GRID1: variants seen among roughly 807,000 people sequenced by gnomAD.
GRID1 encodes the protein glutamate ionotropic receptor delta type subunit 1.
A neutral mutation model predicts 98.0 loss-of-function variants in GRID1; 28 were observed. The observed-to-expected ratio is 0.29, with a 90% CI of 0.21 to 0.39. The LOEUF is 0.39. Ranked by LOEUF, GRID1 falls within the 10% of genes least tolerant of loss-of-function variation. The probability of loss-of-function intolerance (pLI) is 1.00; values close to 1 mark genes in which losing one functional copy is unlikely to be tolerated. For synonymous variants in GRID1, 553 were observed against 538.5 expected (o/e 1.03, Z -0.37); for missense variants, 1,111 against 1,340.5 (o/e 0.83, Z 2.67).
chr10:86,096,271 A>G (rs1157131720), intron 4 of GRID1, among the ~76,000 whole-genome samples: 1 of 152,180 alleles, frequency 6.6e-6, no homozygotes, highest in Admixed American at 6.5e-5. Context: ...GGGTGCACCA[A>G]AATCTCACAA....
chr10:86,220,677 AG>A (rs1846239579), intron 2 of GRID1, among the ~76,000 whole-genome samples: 2 of 152,174 alleles, frequency 1.3e-5, no homozygotes, highest in African/African-American at 4.8e-5. Context: ...GTGAGGGGTG[AG>A]GGGTGCCACA....
chr10:86,059,217 T>C (rs1843617096), intron 4 of GRID1, among the ~76,000 whole-genome samples: 1 of 152,136 alleles, frequency 6.6e-6, no homozygotes, highest in South Asian at 2.1e-4. Flanking sequence ...TGAGTCTCGC[T>C]GTGTGAGTGG....
intron 8 of GRID1, among the ~76,000 whole-genome samples, chr10:85,788,633 C>T (rs1189352382): frequency 2.6e-5 from 4 of 152,218 alleles, no homozygotes; most frequent in African/African-American, 7.2e-5. Flanking sequence ...TGGGAAGTCT[C>T]GTCATCTTCT....
At chr10:85,610,662 T>G (rs937359210) in intron 15 of GRID1, among the ~76,000 whole-genome samples, 1 of 152,156 alleles carries the variant, frequency 6.6e-6, no homozygotes, top group Non-Finnish European at 1.5e-5. Context: ...TACAGCCTGC[T>G]CAATGAGTGG....
At chr10:86,166,851 AC>A (rs1380214818) in intron 3 of GRID1, among the ~76,000 whole-genome samples, 2 of 152,090 alleles carry the variant, frequency 1.3e-5, no homozygotes, top group African/African-American at 4.8e-5. Flanking sequence ...TGGCCCAAGT[AC>A]CTCCTTACCT....
intron 8 of GRID1, among the ~76,000 whole-genome samples, chr10:85,791,746 G>A: frequency 6.6e-6 from 1 of 152,270 alleles, no homozygotes; most frequent in Non-Finnish European, 1.5e-5. Flanking sequence ...TCTCAAAAAA[G>A]TTACAGAGAA....
chr10:86,087,492 C>T (rs750954581), intron 4 of GRID1, among the ~76,000 whole-genome samples: 13 of 105,758 alleles, frequency 1.2e-4, no homozygotes, highest in Non-Finnish European at 2.5e-4. Flanking sequence ...ACAAGAAGAT[C>T]CAAGTGTGTG....
chr10:86,324,177 C>CA (rs111601272), intron 2 of GRID1, among the ~76,000 whole-genome samples: 1,932 of 139,462 alleles, frequency 0.014, 42 homozygotes, highest in African/African-American at 0.046. Flanking sequence ...AGACTCATCT[C>CA]AAAAAAAAAA....
At chr10:86,177,746 G>C (rs998170326) in intron 3 of GRID1, among the ~76,000 whole-genome samples, 9 of 151,636 alleles carry the variant, frequency 5.9e-5, no homozygotes, top group Admixed American at 1.3e-4. Flanking sequence ...GAGCGAGACA[G>C]TGTGTGCGTG....
intron 15 of GRID1, chr10:85,605,476 AC>A (rs1301692275): frequency 4.6e-5 from 7 of 152,200 alleles, no homozygotes; most frequent in Admixed American, 3.3e-4. Flanking sequence ...GAAACTGATG[AC>A]CTGGGACCAT....
At chr10:86,298,448 C>T (rs1847626501) in intron 2 of GRID1, among the ~76,000 whole-genome samples, 1 of 152,168 alleles carries the variant, frequency 6.6e-6, no homozygotes, top group South Asian at 2.1e-4. Context: ...GTCTCTTTAG[C>T]TATAAGGTCA....
At chr10:86,144,556 T>C (rs910967076) in intron 3 of GRID1, among the ~76,000 whole-genome samples, 1 of 152,038 alleles carries the variant, frequency 6.6e-6, no homozygotes, top group Non-Finnish European at 1.5e-5. Flanking sequence ...TCCCCCTGCA[T>C]CAGCCTCCAT....
At chr10:86,278,042 G>C (rs545132561) in intron 2 of GRID1, among the ~76,000 whole-genome samples, 1 of 144,594 alleles carries the variant, frequency 6.9e-6, no homozygotes. Flanking sequence ...AAATAGTAAA[G>C]TTGCAAAAGT....
rs922490644 is a variant in GRID1, at chr10:86,365,487, G to C, written c.79+827C>G. Among the ~76,000 whole-genome samples, 3 of 149,342 alleles carry C rather than the reference G, an allele frequency of 2.0e-5. No homozygotes were observed. Among genetic ancestry groups the C allele is most frequent in the Non-Finnish European group, 4.4e-5 (3 of 67,572 alleles). Reference sequence around the variant, plus strand: ...CTCGGCGCGCCCCCTCCTCCTCTGCGCTTTCATCTTCTCTCCCGGTTCTCT... The same window carrying C: ...CTCGGCGCGCCCCCTCCTCCTCTGCCCTTTCATCTTCTCTCCCGGTTCTCT... On this transcript the variant is annotated intron_variant, in intron 1 of 15. Transcript: ENST00000327946. This position sits in a 1 kb window ranked among gnomAD's most constrained non-coding sequence, Gnocchi z 4.8.
At chr10:86,272,332 CA>C (rs1847197632) in intron 2 of GRID1, among the ~76,000 whole-genome samples, 1 of 152,150 alleles carries the variant, frequency 6.6e-6, no homozygotes, top group Non-Finnish European at 1.5e-5. Flanking sequence ...CAAAGGTTTA[CA>C]GCAACCAAGA....
chr10:86,352,474 G>A (rs911317872), intron 2 of GRID1, among the ~76,000 whole-genome samples: 3 of 152,206 alleles, frequency 2.0e-5, no homozygotes, highest in African/African-American at 7.2e-5. Flanking sequence ...GTGCCAGCAT[G>A]GTTGGTTCCT....
chr10:86,142,647 A>G (rs1320983563), intron 3 of GRID1, among the ~76,000 whole-genome samples: 6 of 152,226 alleles, frequency 3.9e-5, no homozygotes, highest in African/African-American at 1.4e-4. Context: ...AAGTCTTTAA[A>G]ATGGCAGAGA....
intron 2 of GRID1, among the ~76,000 whole-genome samples, chr10:86,295,083 C>T (rs564141506): frequency 6.6e-6 from 1 of 152,272 alleles, no homozygotes; most frequent in Non-Finnish European, 1.5e-5. Context: ...CCACAGTGCG[C>T]ACAGGAGCAA....
intron 4 of GRID1, among the ~76,000 whole-genome samples, chr10:86,081,579 G>T (rs897496143): frequency 6.6e-6 from 1 of 152,190 alleles, no homozygotes; most frequent in Non-Finnish European, 1.5e-5. Flanking sequence ...TGTGTTTATA[G>T]CAGCTTTGTC....
Sources: gnomAD v4.1 joint callset for allele counts (sites outside exome capture counted in the v4.1 genomes callset) on GRCh38, gnomAD v4.1.1 for gene constraint, Gnocchi (gnomAD v3.1) non-coding constraint, MANE v1.5 for transcripts, NCBI Gene and HGNC (gene_info 2026-07-23, HGNC 2026-07-21) for gene names.